VPS13B: variants seen among roughly 807,000 people sequenced by gnomAD.
VPS13B encodes vacuolar protein sorting 13 homolog B.
In VPS13B, 285 loss-of-function variants were observed where a neutral mutation model predicts 426.4. The observed-to-expected ratio is 0.67, with a 90% CI of 0.61 to 0.74. VPS13B has a LOEUF of 0.74. VPS13B is among the 30% of genes least tolerant of loss of function. The probability of loss-of-function intolerance (pLI) is 0.00; values close to 1 mark genes in which losing one functional copy is unlikely to be tolerated. For missense variants in VPS13B, 4,537 were observed against 4,782.6 expected (o/e 0.95, Z 1.51); for synonymous variants, 1,676 against 1,676.4 (o/e 1.00, Z 0.01).
At chr8:99,557,056 AGT>A (rs890353820) in intron 31 of VPS13B, among the ~76,000 whole-genome samples, 1 of 152,156 alleles carries the variant, frequency 6.6e-6, no homozygotes, top group Admixed American at 6.6e-5. Context: ...TTTAAGTTAG[AGT>A]GTGGGGAAAA....
At chr8:99,261,733 C>T (rs1356491412) in intron 17 of VPS13B, among the ~76,000 whole-genome samples, 1 of 152,132 alleles carries the variant, frequency 6.6e-6, no homozygotes, top group Non-Finnish European at 1.5e-5. Flanking sequence ...TTGGCATTGT[C>T]ATTGAGGTTA....
chr8:99,455,954 C>A (rs1194147232), intron 23 of VPS13B, among the ~76,000 whole-genome samples: 2 of 152,180 alleles, frequency 1.3e-5, no homozygotes, highest in South Asian at 2.1e-4. Flanking sequence ...GATGTTGTAA[C>A]TGATCATTGA....
intron 3 of VPS13B, among the ~76,000 whole-genome samples, chr8:99,046,956 C>A (rs1843271194): frequency 6.6e-6 from 1 of 152,076 alleles, no homozygotes; most frequent in Non-Finnish European, 1.5e-5. Context: ...ATTTTAGCAT[C>A]TATGTTCATC....
chr8:99,523,488 C>T (rs1245719333), intron 30 of VPS13B, among the ~76,000 whole-genome samples: 8 of 152,242 alleles, frequency 5.3e-5, no homozygotes, highest in Admixed American at 4.6e-4. Flanking sequence ...TTGTGTCACA[C>T]ACACACCCAC....
intron 23 of VPS13B, among the ~76,000 whole-genome samples, chr8:99,456,956 T>G (rs1387914406): frequency 6.6e-6 from 1 of 152,150 alleles, no homozygotes; most frequent in African/African-American, 2.4e-5. Context: ...TTTAAATTAA[T>G]AATTTAATTT....
intron 17 of VPS13B, among the ~76,000 whole-genome samples, chr8:99,219,383 C>G (rs1815562011): frequency 6.6e-6 from 1 of 152,152 alleles, no homozygotes; most frequent in East Asian, 1.9e-4. Flanking sequence ...TTTCATGTAT[C>G]AAAGGCCCCA....
chr8:99,056,976 G>T (rs1422202631), intron 3 of VPS13B, among the ~76,000 whole-genome samples: 1 of 151,432 alleles, frequency 6.6e-6, no homozygotes, highest in Non-Finnish European at 1.5e-5. Flanking sequence ...ATTTCCTTTG[G>T]GGCATTTTTA....
chr8:99,048,739 T>C (rs911891434), intron 3 of VPS13B, among the ~76,000 whole-genome samples: 5 of 150,954 alleles, frequency 3.3e-5, no homozygotes, highest in African/African-American at 7.3e-5. Flanking sequence ...CAGTTGAACC[T>C]GGGAGGCGGA....
At position 99,271,148 on chromosome 8, in the gene VPS13B, T is replaced by A. The variant is rs193038281; in HGVS notation, c.2516-3050T>A. On this transcript the variant is annotated intron_variant, in intron 17 of 61. Coordinates refer to ENST00000357162, the MANE Select transcript of VPS13B (RefSeq NM_152564.5). ...ATGTTAAGTGCTATGATTACTATTA[T>A]TGATACTACTGCTGCTGCTTTTATT... is the stretch of plus-strand genomic sequence containing the variant. Among the ~76,000 whole-genome samples, 90 of 152,156 alleles carry A rather than the reference T, an allele frequency of 5.9e-4. 1 individual carries two copies. In the East Asian group the frequency reaches 0.016, roughly 28 times the overall value.
chr8:99,348,772 A>T (rs969262455), intron 19 of VPS13B, among the ~76,000 whole-genome samples: 1 of 152,212 alleles, frequency 6.6e-6, no homozygotes, highest in Non-Finnish European at 1.5e-5. Flanking sequence ...GTTCTTAAGT[A>T]TAAATCACTT....
At chr8:99,864,959 C>T (rs993955130) in intron 58 of VPS13B, among the ~76,000 whole-genome samples, 2 of 152,146 alleles carry the variant, frequency 1.3e-5, no homozygotes, top group Non-Finnish European at 2.9e-5. Context: ...ACGGGTTCGG[C>T]GGGCCTTCTT....
chr8:99,696,618 C>T, intron 35 of VPS13B: 2 of 660,408 alleles, frequency 3.0e-6, no homozygotes, highest in South Asian at 3.0e-5. Flanking sequence ...CCTGAAGGAG[C>T]TTCGGGTCAA....
intron 44 of VPS13B, among the ~76,000 whole-genome samples, chr8:99,815,595 C>G (rs1813985100): frequency 6.6e-6 from 1 of 152,204 alleles, no homozygotes; most frequent in Admixed American, 6.5e-5. Context: ...CATACCATGA[C>G]CCAATCAAGT....
At chr8:99,333,962 T>C (rs1810682300) in intron 19 of VPS13B, among the ~76,000 whole-genome samples, 1 of 152,020 alleles carries the variant, frequency 6.6e-6, no homozygotes, top group African/African-American at 2.4e-5. Context: ...TACTTCTTCA[T>C]TCTACTATTG....
chr8:99,519,200 T>A (rs180821580), intron 29 of VPS13B, among the ~76,000 whole-genome samples: 31 of 152,258 alleles, frequency 2.0e-4, no homozygotes, highest in African/African-American at 7.0e-4. Context: ...TAAATTTGTT[T>A]GAGTTCTTCA....
intron 19 of VPS13B, among the ~76,000 whole-genome samples, chr8:99,376,769 A>G (rs966302894): frequency 2.6e-5 from 4 of 152,092 alleles, no homozygotes; most frequent in African/African-American, 9.7e-5. Flanking sequence ...CAGTTTGCAT[A>G]CATTTAAATT....
chr8:99,744,009 A>T (rs1809923891), intron 39 of VPS13B, among the ~76,000 whole-genome samples: 1 of 152,226 alleles, frequency 6.6e-6, no homozygotes, highest in African/African-American at 2.4e-5. Context: ...TCTGCACAAC[A>T]AAAGAAACTA....
intron 22 of VPS13B, among the ~76,000 whole-genome samples, chr8:99,436,050 T>A (rs970042834): frequency 2.0e-5 from 3 of 152,112 alleles, no homozygotes; most frequent in Non-Finnish European, 4.4e-5. Flanking sequence ...AAGTTGTTAG[T>A]AGAAGAGAGA....
chr8:99,660,012 C>T (rs929745816), intron 34 of VPS13B, among the ~76,000 whole-genome samples: 1 of 152,136 alleles, frequency 6.6e-6, no homozygotes, highest in Non-Finnish European at 1.5e-5. Context: ...CATCCTTTCA[C>T]CAGACTTGAC....
Sources: gnomAD v4.1 joint callset for allele counts (sites outside exome capture counted in the v4.1 genomes callset) on GRCh38, gnomAD v4.1.1 for gene constraint, MANE v1.5 for transcripts, NCBI Gene and HGNC (gene_info 2026-07-23, HGNC 2026-07-21) for gene names.